Variants in FRMD3 observed in about 807,000 individuals in gnomAD.
FRMD3 encodes FERM domain-containing protein 3.
In FRMD3, 33 loss-of-function variants were observed where a neutral mutation model predicts 70.2. That is an observed-to-expected ratio of 0.47 (90% CI 0.36 to 0.63). The LOEUF (loss-of-function observed/expected upper bound fraction) is 0.63. FRMD3 is among the 20% of genes least tolerant of loss of function. The pLI is 0.00. For synonymous variants in FRMD3, 279 were observed against 255.9 expected (o/e 1.09, Z -0.86); for missense variants, 632 against 711.4 (o/e 0.89, Z 1.27).
chr9:83,484,438 G>A (rs569472155), intron 1 of FRMD3, among the ~76,000 whole-genome samples: 26 of 152,242 alleles, frequency 1.7e-4, no homozygotes, highest in African/African-American at 5.5e-4. Flanking sequence ...TTGTGTGTGT[G>A]GCAGGGTCTC....
chr9:83,523,295 A>G (rs1587519929), intron 1 of FRMD3, among the ~76,000 whole-genome samples: 1 of 152,230 alleles, frequency 6.6e-6, no homozygotes, highest in Admixed American at 6.5e-5. Context: ...TAAATGATGA[A>G]TGAATTAATG....
At chr9:83,573,013 G>T in the FRMD3 span, among the ~76,000 whole-genome samples, 1 of 152,170 alleles carries the variant, frequency 6.6e-6, no homozygotes, top group Non-Finnish European at 1.5e-5. Flanking sequence ...GGTCTATCCT[G>T]GGATTGCAGA....
intron 6 of FRMD3, among the ~76,000 whole-genome samples, chr9:83,333,671 G>GC: frequency 6.6e-6 from 1 of 152,156 alleles, no homozygotes; most frequent in South Asian, 2.1e-4. Context: ...TGGCCCTCCT[G>GC]CCCTGGTTCT....
At chr9:83,305,929 T>C (rs371525527) in intron 10 of FRMD3, among the ~76,000 whole-genome samples, 1 of 152,230 alleles carries the variant, frequency 6.6e-6, no homozygotes, top group African/African-American at 2.4e-5. Context: ...ACATGCCAAG[T>C]TGACCTACCT....
At chr9:83,331,575 T>C (rs1308022435) in intron 6 of FRMD3, among the ~76,000 whole-genome samples, 1 of 152,194 alleles carries the variant, frequency 6.6e-6, no homozygotes, top group Non-Finnish European at 1.5e-5. Context: ...AACTCTAATG[T>C]AAACTATCAA....
intron 12 of FRMD3, among the ~76,000 whole-genome samples, chr9:83,290,989 G>A (rs904331499): frequency 2.6e-5 from 4 of 152,084 alleles, no homozygotes; most frequent in Non-Finnish European, 5.9e-5. Flanking sequence ...CCCTGAGCAT[G>A]CTAGGTGACA....
chr9:83,510,043 C>G, intron 1 of FRMD3, among the ~76,000 whole-genome samples: 1 of 152,034 alleles, frequency 6.6e-6, no homozygotes, highest in East Asian at 1.9e-4. Context: ...TTAAAAAAGG[C>G]CACTGGAAAG....
At chr9:83,572,509 C>G in the FRMD3 span, among the ~76,000 whole-genome samples, 1 of 152,114 alleles carries the variant, frequency 6.6e-6, no homozygotes, top group African/African-American at 2.4e-5. Flanking sequence ...TGTAGTTATC[C>G]CCTGAGAGAG....
At chr9:83,321,626 T>C (rs1190959996) in intron 6 of FRMD3, among the ~76,000 whole-genome samples, 2 of 152,192 alleles carry the variant, frequency 1.3e-5, no homozygotes, top group African/African-American at 2.4e-5. Flanking sequence ...ATTTTTTCCA[T>C]GTACTGATGA....
At chr9:83,401,748 G>T (rs779324447) in intron 1 of FRMD3, among the ~76,000 whole-genome samples, 15 of 152,170 alleles carry the variant, frequency 9.9e-5, no homozygotes, top group Non-Finnish European at 2.1e-4. Flanking sequence ...TAAACATTCT[G>T]CCTGGAAGTG....
chr9:83,263,397 G>A (rs1833078554), intron 13 of FRMD3, among the ~76,000 whole-genome samples: 1 of 151,884 alleles, frequency 6.6e-6, no homozygotes, highest in Non-Finnish European at 1.5e-5. Context: ...ATTTATTATG[G>A]GTTTTTCCAC....
intron 3 of FRMD3, among the ~76,000 whole-genome samples, chr9:83,355,857 A>G (rs942676187): frequency 6.6e-6 from 1 of 152,204 alleles, no homozygotes; most frequent in Non-Finnish European, 1.5e-5. Context: ...AGAAGGGGGA[A>G]AAAGTGAAAT....
At chr9:83,514,431 G>A (rs562968014) in intron 1 of FRMD3, among the ~76,000 whole-genome samples, 13 of 152,306 alleles carry the variant, frequency 8.5e-5, no homozygotes, top group African/African-American at 3.1e-4. Flanking sequence ...TCTCTGGGCA[G>A]GCCATCTCTG....
chr9:83,409,086 C>A (rs981673841), intron 1 of FRMD3, among the ~76,000 whole-genome samples: 3 of 152,158 alleles, frequency 2.0e-5, no homozygotes. Flanking sequence ...GCAGCATACT[C>A]GGGAAAGCAA....
chr9:83,283,536 AAAAAAAAAAAAATAATAAT>A (rs910936036), intron 13 of FRMD3, among the ~76,000 whole-genome samples: 3 of 102,738 alleles, frequency 2.9e-5, no homozygotes, highest in African/African-American at 1.2e-4. Context: ...ATCTCAAAAA[AAAAAAAAAAAAATAATAAT>A]AATAATAATA....
the FRMD3 span, among the ~76,000 whole-genome samples, chr9:83,557,750 G>T: frequency 2.2e-4 from 34 of 152,042 alleles, no homozygotes; most frequent in African/African-American, 8.2e-4. Context: ...AGATCTGGGG[G>T]GAAAAACGAA....
intron 13 of FRMD3, among the ~76,000 whole-genome samples, chr9:83,267,536 C>T (rs1833325665): frequency 6.6e-6 from 1 of 152,104 alleles, no homozygotes; most frequent in Non-Finnish European, 1.5e-5. Flanking sequence ...CTAAAAATTG[C>T]TCCTCCAGCC....
intron 13 of FRMD3, among the ~76,000 whole-genome samples, chr9:83,272,666 C>T (rs1833617490): frequency 6.8e-6 from 1 of 147,778 alleles, no homozygotes; most frequent in Non-Finnish European, 1.5e-5. Flanking sequence ...AGGAGCGCCT[C>T]TGCCCGGCTG....
intron 3 of FRMD3, among the ~76,000 whole-genome samples, chr9:83,356,571 C>T (rs545365543): frequency 6.6e-6 from 1 of 151,628 alleles, no homozygotes; most frequent in East Asian, 1.9e-4. Context: ...CCACCGCGCC[C>T]GGCCAGCAGC....
Sources: gnomAD v4.1 joint callset for allele counts (sites outside exome capture counted in the v4.1 genomes callset) on GRCh38, gnomAD v4.1.1 for gene constraint, MANE v1.5 for transcripts, NCBI Gene and HGNC (gene_info 2026-07-23, HGNC 2026-07-21) for gene names.